The following TOP1 variants were observed in gnomAD, a reference collection of about 807,000 sequenced individuals.
TOP1 encodes DNA topoisomerase 1.
In TOP1, 10 loss-of-function variants were observed where a neutral mutation model predicts 111.1. The ratio of observed to expected loss-of-function variants is 0.09; its 90% CI spans 0.06 to 0.15. The LOEUF (loss-of-function observed/expected upper bound fraction) is 0.15, where lower values mean the gene tolerates loss of function less well. Ranked by LOEUF, TOP1 falls within the 10% of genes least tolerant of loss-of-function variation. The pLI is 1.00. For synonymous variants in TOP1, 271 were observed against 302.9 expected (o/e 0.89, Z 1.10); for missense variants, 474 against 926.7 (o/e 0.51, Z 6.34).
At position 41,116,470 on chromosome 20, in the gene TOP1, T is replaced by G; in HGVS notation, c.1822+78T>G. 8.8e-7 allele frequency: 1 copy of G among 1,137,154 alleles called. No homozygotes were observed. The highest frequency in any genetic ancestry group is 1.3e-5 in the South Asian group (1 of 76,262). 70.4% of individuals were successfully genotyped at this position (1,137,154 alleles called of 1,614,324 possible). ...GACCTTGCTTATCTAAGGCCTAGAGTCAGTTCTACTTTTTTTCCCTACCAT... is the reference window on the plus strand; with the variant it reads ...GACCTTGCTTATCTAAGGCCTAGAGGCAGTTCTACTTTTTTTCCCTACCAT... On this transcript the variant is annotated intron_variant, in intron 17 of 20. Coordinates refer to ENST00000361337, the MANE Select transcript of TOP1 (RefSeq NM_003286.4). This position sits in a 1 kb window ranked among gnomAD's most constrained non-coding sequence, Gnocchi z 5.6.
intron 3 of TOP1, chr20:41,072,743 A>C: frequency 1.0e-6 from 1 of 985,442 alleles, no homozygotes; most frequent in Non-Finnish European, 1.2e-6. Context: ...AGTAGGGATG[A>C]TCACATTGTA....
rs2033342634 is a variant in TOP1 at position 41,046,976 on chromosome 20, T to C, written c.59-14418T>C. Among the ~76,000 whole-genome samples the C allele has an allele frequency of 6.6e-6, 1 of 152,226 alleles. No individual in the cohort carries two copies. Among genetic ancestry groups the C allele is most frequent in the Non-Finnish European group, 1.5e-5 (1 of 68,042 alleles). ...TCAAGTCAAGTTGATTGGCCATTCA[T>C]GAGCTGTGTGCAGGGAGAGAAGAGA... On this transcript the variant is annotated intron_variant, in intron 2 of 20. Coordinates refer to ENST00000361337, the MANE Select transcript of TOP1 (RefSeq NM_003286.4). The surrounding 1 kb of genome is among the most constrained non-coding windows in gnomAD (Gnocchi z 4.3).
rs556426073 is a variant in TOP1, at chr20:41,045,334, A to G, written c.58+15879A>G. Among the ~76,000 whole-genome samples, 15 of 152,242 alleles carry G rather than the reference A, an allele frequency of 9.9e-5. No homozygotes were observed. In the East Asian group the frequency reaches 2.9e-3, roughly 29 times the overall value. On this transcript the variant is annotated intron_variant, in intron 2 of 20. Coordinates refer to ENST00000361337, the MANE Select transcript of TOP1 (RefSeq NM_003286.4). ...GTGTGAATTTGATGTTATGAGTTTG[A>G]ATAACAGCCTTCCTTCAGTATGTCT...
chr20:41,073,505 C>G, intron 3 of TOP1: 2 of 983,310 alleles, frequency 2.0e-6, no homozygotes, highest in Non-Finnish European at 2.4e-6. Context: ...AAGCTAGGAC[C>G]TTATAGCAAG....
Position 41,121,736 on chromosome 20 carries a change from A to C in TOP1, c.1991A>C (p.Asp664Ala). 1 of 1,614,180 alleles carries C rather than the reference A, an allele frequency of 6.2e-7. No homozygotes were observed. Among genetic ancestry groups the C allele is most frequent in the Non-Finnish European group, 8.5e-7 (1 of 1,180,012 alleles). ...KKEQLADARR[D>A]LKSAKADAKV... Reference sequence around the variant, plus strand: ...GAACAGCTAGCAGATGCCCGGAGAGACCTGAAAAGTGCTAAGGCTGATGCC... The same window carrying C: ...GAACAGCTAGCAGATGCCCGGAGAGCCCTGAAAAGTGCTAAGGCTGATGCC... Residue 664 changes from aspartate to alanine, a missense_variant, in exon 19 of 21, where the codon GAC becomes GCC. This residue lies in a region of TOP1 where 36 missense variants were observed against 42.3 expected (regional missense o/e 0.85). Transcript: ENST00000361337. This position sits in a 1 kb window ranked among gnomAD's most constrained non-coding sequence, Gnocchi z 4.2.
rs1242361553 is a variant in TOP1 at position 41,102,736 on chromosome 20, T to C, written c.1308+1383T>C. ...TTTAAAGAAACATGTATTCCTCTTC[T>C]GAAGTATCGCAAAGCTGTATATATG... On this transcript the variant is annotated intron_variant, in intron 13 of 20. Coordinates refer to ENST00000361337, the MANE Select transcript of TOP1 (RefSeq NM_003286.4). This position sits in a 1 kb window ranked among gnomAD's most constrained non-coding sequence, Gnocchi z 4.0. Among the ~76,000 whole-genome samples the C allele has an allele frequency of 6.6e-6, 1 of 152,210 alleles. No individual in the cohort carries two copies. The highest frequency in any genetic ancestry group is 1.5e-5 in the Non-Finnish European group (1 of 68,038).
intron 2 of TOP1, among the ~76,000 whole-genome samples, chr20:41,044,684 T>C (rs954047190): frequency 5.3e-5 from 8 of 152,238 alleles, no homozygotes; most frequent in Admixed American, 5.2e-4. Flanking sequence ...AGTATTTTCC[T>C]GGATAATTTC....
intron 13 of TOP1, among the ~76,000 whole-genome samples, chr20:41,103,450 T>C (rs892206554): frequency 6.6e-6 from 1 of 152,184 alleles, no homozygotes; most frequent in African/African-American, 2.4e-5. Flanking sequence ...CTTTGAACAG[T>C]GGAGTGTCTT....
chr20:41,040,716 G>C (rs1482452288), intron 2 of TOP1, among the ~76,000 whole-genome samples: 1 of 144,512 alleles, frequency 6.9e-6, no homozygotes, highest in Non-Finnish European at 1.5e-5. Flanking sequence ...TGAAGCAGGA[G>C]AATCACTTGA....
chr20:41,039,476 C>CA (rs766201286), intron 2 of TOP1, among the ~76,000 whole-genome samples: 6 of 152,114 alleles, frequency 3.9e-5, no homozygotes, highest in African/African-American at 1.2e-4. Context: ...TAAAATGTTA[C>CA]AAAAAATGGT....
intron 3 of TOP1, among the ~76,000 whole-genome samples, chr20:41,062,896 T>A (rs1449551999): frequency 6.6e-6 from 1 of 152,204 alleles, no homozygotes; most frequent in East Asian, 1.9e-4. Flanking sequence ...TCCAACAATA[T>A]TAGAATTTTC....
intron 8 of TOP1, among the ~76,000 whole-genome samples, chr20:41,085,270 CA>C (rs891460717): frequency 9.9e-5 from 15 of 151,540 alleles, no homozygotes; most frequent in Admixed American, 6.6e-5. Context: ...ATCAAAGATG[CA>C]AAAAAAATGA....
At chr20:41,044,422 T>A (rs2033307836) in intron 2 of TOP1, among the ~76,000 whole-genome samples, 1 of 152,236 alleles carries the variant, frequency 6.6e-6, no homozygotes, top group African/African-American at 2.4e-5. Context: ...TTTGCCCTGC[T>A]CCCGAAGCTT....
At chr20:41,033,351 A>G (rs2033145024) in intron 2 of TOP1, among the ~76,000 whole-genome samples, 1 of 150,412 alleles carries the variant, frequency 6.6e-6, no homozygotes, top group Non-Finnish European at 1.5e-5. Context: ...TAGCAGCAAA[A>G]AAAAAAAAAA....
intron 17 of TOP1, among the ~76,000 whole-genome samples, chr20:41,117,372 G>A (rs1242358279): frequency 6.9e-6 from 1 of 144,940 alleles, no homozygotes; most frequent in African/African-American, 2.6e-5. Context: ...ACTACCAACT[G>A]TGGCTTAATT....
chr20:41,036,980 G>A (rs2033196346), intron 2 of TOP1, among the ~76,000 whole-genome samples: 3 of 151,882 alleles, frequency 2.0e-5, no homozygotes, highest in South Asian at 4.2e-4. Context: ...ACAGGCGCCC[G>A]CCACCACGCC....
At chr20:41,093,337 C>G (rs1344091991) in intron 9 of TOP1, among the ~76,000 whole-genome samples, 1 of 152,174 alleles carries the variant, frequency 6.6e-6, no homozygotes, top group Non-Finnish European at 1.5e-5. Context: ...TCCTCATACC[C>G]TTATGTGCTT....
chr20:41,070,009 T>C (rs895323733), intron 3 of TOP1, among the ~76,000 whole-genome samples: 1 of 152,182 alleles, frequency 6.6e-6, no homozygotes, highest in Non-Finnish European at 1.5e-5. Flanking sequence ...AAAAAGTGGC[T>C]TGAGGCAAAA....
Position 41,123,318 on chromosome 20 carries a change from T to A in TOP1, c.*21T>A. ...TTTAGCCAGTCTCAAGAGGCAGAGT[T>A]CTGTGAAGAGGAACAGTGTGGTTTG... On this transcript the variant is annotated 3_prime_UTR_variant, in exon 21 of 21. Transcript: ENST00000361337. The surrounding 1 kb of genome is among the most constrained non-coding windows in gnomAD (Gnocchi z 5.8). 1 of 1,559,540 alleles carries A rather than the reference T, an allele frequency of 6.4e-7. No individual in the cohort carries two copies. The highest frequency in any genetic ancestry group is 1.1e-5 in the South Asian group (1 of 89,984).
Sources: gnomAD v4.1 joint callset for allele counts (sites outside exome capture counted in the v4.1 genomes callset) on GRCh38, gnomAD v4.1.1 for gene constraint, gnomAD v4.1.1 regional missense constraint, Gnocchi (gnomAD v3.1) non-coding constraint, MANE v1.5 for transcripts, NCBI Gene and HGNC (gene_info 2026-07-23, HGNC 2026-07-21) for gene names.